TLL1: variants seen among roughly 807,000 people sequenced by gnomAD.
TLL1 encodes the protein tolloid-like protein 1.
Under a neutral mutation model 128.2 loss-of-function variants are expected in TLL1, and 49 were observed. The ratio of observed to expected loss-of-function variants is 0.38; its 90% CI spans 0.30 to 0.48. The LOEUF is 0.48. Ranked by LOEUF, TLL1 falls within the 20% of genes least tolerant of loss-of-function variation. TLL1 has a pLI of 0.96. For synonymous variants in TLL1, 454 were observed against 418.8 expected (o/e 1.08, Z -1.03); for missense variants, 1,123 against 1,242.0 (o/e 0.90, Z 1.44).
intron 1 of TLL1, among the ~76,000 whole-genome samples, chr4:165,891,427 A>C (rs1731397275): frequency 6.6e-6 from 1 of 152,190 alleles, no homozygotes; most frequent in Non-Finnish European, 1.5e-5. Context: ...ATTCCAAGCC[A>C]TATCTTTGTG....
intron 1 of TLL1, among the ~76,000 whole-genome samples, chr4:165,961,280 T>C (rs1170683641): frequency 6.6e-6 from 1 of 152,100 alleles, no homozygotes; most frequent in Non-Finnish European, 1.5e-5. Context: ...GAAAGATCTA[T>C]ACAAGGAGAA....
chr4:165,923,299 TATC>T (rs1008290569), intron 1 of TLL1, among the ~76,000 whole-genome samples: 1 of 152,038 alleles, frequency 6.6e-6, no homozygotes, highest in Non-Finnish European at 1.5e-5. Context: ...AGTAAGAGAT[TATC>T]AACATTTTAT....
chr4:166,047,325 T>C (rs2111099956), intron 12 of TLL1, among the ~76,000 whole-genome samples: 1 of 151,556 alleles, frequency 6.6e-6, no homozygotes, highest in African/African-American at 2.4e-5. Context: ...CCACTGTGCC[T>C]GGCTAATTTT....
intron 12 of TLL1, among the ~76,000 whole-genome samples, chr4:166,054,539 A>G (rs1365411602): frequency 6.7e-6 from 1 of 148,864 alleles, no homozygotes; most frequent in Non-Finnish European, 1.5e-5. Flanking sequence ...AGCATTAGGT[A>G]TATCTCCCAA....
intron 1 of TLL1, among the ~76,000 whole-genome samples, chr4:165,936,396 G>A (rs979646606): frequency 8.6e-5 from 13 of 150,706 alleles, no homozygotes; most frequent in Non-Finnish European, 1.6e-4. Flanking sequence ...ATTTTTAATA[G>A]AGACGGAGTT....
intron 1 of TLL1, among the ~76,000 whole-genome samples, chr4:165,895,633 T>TAAAA (rs57920393): frequency 0.012 from 795 of 68,394 alleles, 101 homozygotes; most frequent in African/African-American, 0.07. Flanking sequence ...AGACTTTTTG[T>TAAAA]AAAAAAAAAA....
At chr4:166,050,280 C>A (rs1579673881) in intron 12 of TLL1, among the ~76,000 whole-genome samples, 1 of 152,120 alleles carries the variant, frequency 6.6e-6, no homozygotes, top group African/African-American at 2.4e-5. Flanking sequence ...TTAAGTACCC[C>A]TTTTTAAGGT....
At chr4:166,026,520 C>G (rs923406443) in intron 9 of TLL1, among the ~76,000 whole-genome samples, 3 of 152,156 alleles carry the variant, frequency 2.0e-5, no homozygotes, top group African/African-American at 7.2e-5. Flanking sequence ...AGCCCCATCT[C>G]TACAAAAAAT....
At chr4:165,876,777 C>T (rs924116399) in intron 1 of TLL1, among the ~76,000 whole-genome samples, 1 of 152,170 alleles carries the variant, frequency 6.6e-6, no homozygotes, top group Admixed American at 6.5e-5. Flanking sequence ...CTTAGTTGGC[C>T]TTTTGGAGGC....
intron 16 of TLL1, among the ~76,000 whole-genome samples, chr4:166,069,791 C>A (rs1740729238): frequency 6.6e-6 from 1 of 151,632 alleles, no homozygotes; most frequent in South Asian, 2.1e-4. Context: ...GACTAAATAT[C>A]ATAAATGAAT....
rs118122325 is a variant in TLL1 at position 165,941,391 on chromosome 4, G to T, written c.170-47990G>T. Among the ~76,000 whole-genome samples the T allele has an allele frequency of 2.2e-3, 329 of 152,224 alleles. 1 individual carries two copies. In the East Asian group the frequency reaches 0.039, roughly 18 times the overall value. On this transcript the variant is annotated intron_variant, in intron 1 of 20. Transcript: ENST00000061240. ...GGAAAGAGTCTAGAGTTAAGTGGAA[G>T]AGAAGAAATCATTTGAAAGCATAGA...
rs1181691510 is a variant in TLL1, at chr4:166,103,058, C to T, written c.*2182C>T. 2.0e-5 allele frequency: 3 copies of T among 151,816 alleles called. No individual in the cohort carries two copies. The highest frequency in any genetic ancestry group is 4.4e-5 in the Non-Finnish European group (3 of 67,856). 9.4% of individuals were successfully genotyped at this position (151,816 alleles called of 1,614,324 possible). On this transcript the variant is annotated 3_prime_UTR_variant, in exon 21 of 21. Transcript: ENST00000061240. ...ACTTTGAGGACTGTCATCATGTTCT[C>T]GTTTTGTAGTTCAGAAAGTGAGGCT...
intron 16 of TLL1, among the ~76,000 whole-genome samples, chr4:166,070,964 AT>A (rs1482051510): frequency 1.3e-5 from 2 of 151,892 alleles, no homozygotes; most frequent in Non-Finnish European, 2.9e-5. Flanking sequence ...AAATTTAAAT[AT>A]TTGCATGTTT....
In TLL1 at chr4:165,976,528, G is replaced by C. The variant is rs944178295; in HGVS notation, c.170-12853G>C. 3.3e-5 allele frequency among the ~76,000 whole-genome samples: 5 copies of C among 152,152 alleles called. No individual in the cohort carries two copies. The South Asian group carries it at 8.3e-4, about 25-fold the overall frequency. ...GCAATTCTAATCAAGGTCTCATTGGGTTTTTCTTGTAGCTTGACTGTCTGC... is the reference window on the plus strand; with the variant it reads ...GCAATTCTAATCAAGGTCTCATTGGCTTTTTCTTGTAGCTTGACTGTCTGC... On this transcript the variant is annotated intron_variant, in intron 1 of 20. Coordinates refer to ENST00000061240, the MANE Select transcript of TLL1 (RefSeq NM_012464.5).
In TLL1 at chr4:166,043,370, T is replaced by C. The variant is rs747994761; in HGVS notation, c.1475T>C (p.Ile492Thr). Residue 492 changes from isoleucine to threonine, a missense_variant, in exon 12 of 21, where the codon ATA (isoleucine) becomes ACA (threonine). Around this residue, in one of 3 missense-constraint regions of TLL1, gnomAD observed 634 missense variants for 672.4 expected, o/e 0.94. Coordinates refer to ENST00000061240, the MANE Select transcript of TLL1 (RefSeq NM_012464.5). ...YRPMKECVWK[I>T]TVSESYHVGL... Reference sequence around the variant, plus strand: ...CCGATGAAAGAATGTGTGTGGAAAATAACAGTGTCTGAGAGCTACCACGTC... The same window carrying C: ...CCGATGAAAGAATGTGTGTGGAAAACAACAGTGTCTGAGAGCTACCACGTC... 1 of 1,614,118 alleles carries C rather than the reference T, an allele frequency of 6.2e-7. No individual in the cohort carries two copies. Among genetic ancestry groups the C allele is most frequent in the Non-Finnish European group, 8.5e-7 (1 of 1,180,002 alleles).
chr4:166,019,284 T>C (rs1738101111), intron 8 of TLL1, among the ~76,000 whole-genome samples: 1 of 152,140 alleles, frequency 6.6e-6, no homozygotes, highest in Middle Eastern at 3.4e-3. Flanking sequence ...ATGGAAACAA[T>C]AGACACTGTG....
chr4:166,035,858 G>C (rs1455246397), intron 9 of TLL1, among the ~76,000 whole-genome samples: 1 of 152,018 alleles, frequency 6.6e-6, no homozygotes, highest in African/African-American at 2.4e-5. Flanking sequence ...ACAGAAACAG[G>C]CTTCAGGCAG....
chr4:165,927,185 T>C (rs185678923), intron 1 of TLL1, among the ~76,000 whole-genome samples: 66 of 152,228 alleles, frequency 4.3e-4, no homozygotes, highest in African/African-American at 1.5e-3. Context: ...AAACAATAGA[T>C]AGTTTTTGGA....
chr4:165,896,667 T>C (rs935980767), intron 1 of TLL1, among the ~76,000 whole-genome samples: 37 of 151,954 alleles, frequency 2.4e-4, no homozygotes, highest in African/African-American at 8.5e-4. Flanking sequence ...GTATTTTTAG[T>C]AGAGACAGGG....
Sources: allele counts gnomAD v4.1 joint callset (sites outside exome capture counted in the v4.1 genomes callset), GRCh38; gene constraint gnomAD v4.1.1; regional missense constraint gnomAD v4.1.1; transcripts MANE v1.5; gene names NCBI Gene and HGNC (gene_info 2026-07-23, HGNC 2026-07-21).